The following CDH13 variants were observed in gnomAD, a reference collection of about 807,000 sequenced individuals.
CDH13 encodes the protein cadherin-13.
Under a neutral mutation model 63.8 loss-of-function variants are expected in CDH13, and 24 were observed. That is an observed-to-expected ratio of 0.38 (90% CI 0.27 to 0.53). The LOEUF is 0.53. CDH13 is among the 20% of genes least tolerant of loss of function. CDH13 has a pLI of 0.85. For missense variants in CDH13, 1,049 were observed against 903.1 expected (o/e 1.16, Z -2.07); for synonymous variants, 503 against 355.3 (o/e 1.42, Z -4.67).
chr16:82,758,059 A>G (rs915226431), intron 1 of CDH13, among the ~76,000 whole-genome samples: 2 of 152,074 alleles, frequency 1.3e-5, no homozygotes, highest in East Asian at 3.9e-4. Context: ...GTTGTAGATA[A>G]TCTCATCTTT....
chr16:83,381,766 C>T (rs1222620747), intron 6 of CDH13, among the ~76,000 whole-genome samples: 1 of 151,822 alleles, frequency 6.6e-6, no homozygotes, highest in Admixed American at 6.6e-5. Context: ...CCTTCCTTTA[C>T]TAGATCCAGG....
intron 8 of CDH13, among the ~76,000 whole-genome samples, chr16:83,633,619 G>C (rs1421663783): frequency 6.6e-6 from 1 of 152,166 alleles, no homozygotes; most frequent in Admixed American, 6.6e-5. Context: ...TACTCGGAGA[G>C]AAAATGGTAT....
chr16:83,309,610 C>T (rs556301721), intron 5 of CDH13, among the ~76,000 whole-genome samples: 23 of 152,128 alleles, frequency 1.5e-4, no homozygotes, highest in African/African-American at 5.1e-4. Context: ...CTCCTGACCT[C>T]GTGATCCACC....
intron 3 of CDH13, among the ~76,000 whole-genome samples, chr16:83,074,382 G>A (rs184112728): frequency 7.9e-5 from 12 of 151,864 alleles, no homozygotes; most frequent in African/African-American, 2.7e-4. Context: ...TTTTTAATCC[G>A]TTATCCATTT....
At chr16:83,125,887 C>G (rs2035789770) in intron 4 of CDH13, among the ~76,000 whole-genome samples, 1 of 152,116 alleles carries the variant, frequency 6.6e-6, no homozygotes, top group African/African-American at 2.4e-5. Context: ...ATATTTAGGT[C>G]TACGCGTACC....
At position 83,032,058 on chromosome 16, in the gene CDH13, C is replaced by G. The variant is rs374734713; in HGVS notation, c.206C>G (p.Ser69Trp). 38 of 1,609,368 alleles carry G rather than the reference C, an allele frequency of 2.4e-5. No individual in the cohort carries two copies. In the African/African-American group the frequency reaches 4.8e-4, roughly 20 times the overall value. The change falls in exon 3 of 14, where the codon TCG (serine) becomes TGG (tryptophan). Residue 69 changes from serine (S) to tryptophan (W), a missense_variant. By Grantham distance (177) the Ser-to-Trp change is radical (BLOSUM62 -3). Coordinates refer to ENST00000567109, the MANE Select transcript of CDH13 (RefSeq NM_001257.5). ...KGNDKLRYEV[S>W]SPYFKVNSDG... ...AACGACAAGCTACGCTATGAGGTCTCGAGCCCATACTTCAAGGTGAACAGC... is the reference window on the plus strand; with the variant it reads ...AACGACAAGCTACGCTATGAGGTCTGGAGCCCATACTTCAAGGTGAACAGC...
At chr16:83,113,859 T>G (rs1352945448) in intron 3 of CDH13, among the ~76,000 whole-genome samples, 1 of 151,976 alleles carries the variant, frequency 6.6e-6, no homozygotes, top group Non-Finnish European at 1.5e-5. Context: ...GAGGTCAGAG[T>G]GGTCATCGGG....
intron 2 of CDH13, among the ~76,000 whole-genome samples, chr16:83,001,481 C>G (rs1236445360): frequency 6.6e-6 from 1 of 152,218 alleles, no homozygotes; most frequent in Non-Finnish European, 1.5e-5. Context: ...TGCCATTGCT[C>G]ACATGAAAAC....
chr16:82,954,159 C>T (rs894640110), intron 2 of CDH13: 1 of 152,200 alleles, frequency 6.6e-6, no homozygotes. Context: ...TGCCACCCCC[C>T]TTGGCACGTC....
In CDH13 at chr16:83,045,167, C is replaced by A. The variant is rs369772384; in HGVS notation, c.366+12949C>A. Among the ~76,000 whole-genome samples the A allele has an allele frequency of 2.1e-3, 323 of 152,156 alleles. 1 individual carries two copies. Among genetic ancestry groups the A allele is most frequent in the Middle Eastern group, 0.017 (5 of 294 alleles). ...CATAGAGTAATCTCAAAGTAGTTAG[C>A]AATAAAAATTAATACAAAACTATGC... On this transcript the variant is annotated intron_variant, in intron 3 of 13. Transcript: ENST00000567109.
chr16:83,717,857 C>G (rs1004522017), intron 10 of CDH13: 1 of 152,174 alleles, frequency 6.6e-6, no homozygotes, highest in Admixed American at 6.5e-5. Flanking sequence ...TCACGCAAAC[C>G]CCATTCAGTT....
chr16:83,711,069 C>T (rs916258159), intron 10 of CDH13, among the ~76,000 whole-genome samples: 3 of 152,188 alleles, frequency 2.0e-5, no homozygotes, highest in Non-Finnish European at 4.4e-5. Context: ...TTGCTACACG[C>T]CACCACCTTG....
At chr16:83,719,996 G>C (rs142853822) in intron 10 of CDH13, among the ~76,000 whole-genome samples, 1 of 152,098 alleles carries the variant, frequency 6.6e-6, no homozygotes, top group African/African-American at 2.4e-5. Flanking sequence ...GCACATCAGC[G>C]AGCCTCCATT....
At chr16:83,022,419 A>G (rs1054321893) in intron 2 of CDH13, among the ~76,000 whole-genome samples, 1 of 152,240 alleles carries the variant, frequency 6.6e-6, no homozygotes, top group African/African-American at 2.4e-5. Context: ...GACAGCTAGT[A>G]TAGGTACTTC....
At chr16:83,351,994 G>A (rs1416405011) in intron 6 of CDH13, among the ~76,000 whole-genome samples, 1 of 152,188 alleles carries the variant, frequency 6.6e-6, no homozygotes, top group East Asian at 1.9e-4. Context: ...TGGAATCCTT[G>A]CTGGATATTG....
intron 11 of CDH13, among the ~76,000 whole-genome samples, chr16:83,765,781 C>CT (rs35694677): frequency 0.41 from 60,282 of 148,004 alleles, 13,588 homozygotes; most frequent in Middle Eastern, 0.55. Context: ...TTACAGCTTT[C>CT]TTTTTTTTTT....
At chr16:83,332,519 G>A (rs1442022985) in intron 5 of CDH13, among the ~76,000 whole-genome samples, 1 of 152,018 alleles carries the variant, frequency 6.6e-6, no homozygotes, top group Non-Finnish European at 1.5e-5. Context: ...TTCACATTAG[G>A]AAAGGAAAAA....
intron 3 of CDH13, among the ~76,000 whole-genome samples, chr16:83,094,923 G>T (rs1278995845): frequency 3.3e-5 from 5 of 152,118 alleles, no homozygotes; most frequent in Non-Finnish European, 1.5e-5. Flanking sequence ...TTGAAAACCG[G>T]TTTGATGATG....
chr16:83,295,661 A>C (rs2089574757), intron 5 of CDH13, among the ~76,000 whole-genome samples: 1 of 152,218 alleles, frequency 6.6e-6, no homozygotes, highest in Non-Finnish European at 1.5e-5. Context: ...TGTTATCAAA[A>C]AGATAAAATA....
Sources: gnomAD v4.1 joint callset for allele counts (sites outside exome capture counted in the v4.1 genomes callset) on GRCh38, gnomAD v4.1.1 for gene constraint, MANE v1.5 for transcripts, NCBI Gene and HGNC (gene_info 2026-07-23, HGNC 2026-07-21) for gene names.